The following BCR variants were observed in gnomAD, a reference collection of about 807,000 sequenced individuals.
BCR encodes the protein BCR activator of RhoGEF and GTPase, also known as breakpoint cluster region protein.
BCR carries 58 observed loss-of-function variants against 138.6 expected under a neutral mutation model. That is an observed-to-expected ratio of 0.42 (90% CI 0.34 to 0.52). The LOEUF is 0.52. Among genes scored for constraint, BCR ranks in the 20% least tolerant of loss-of-function variants. BCR has a pLI of 0.06. For missense variants in BCR, 1,599 were observed against 1,727.2 expected, an observed-to-expected ratio of 0.93 and a Z score of 1.32; for synonymous variants, 786 against 730.1, an observed-to-expected ratio of 1.08 and a Z score of -1.23.
At chr22:23,268,890 C>A (rs1237681051) in intron 5 of BCR, among the ~76,000 whole-genome samples, 1 of 152,222 alleles carries the variant, frequency 6.6e-6, no homozygotes, top group Non-Finnish European at 1.5e-5. Flanking sequence ...AGGTGGCCCA[C>A]TCTTCCTTTT....
chr22:23,296,305 C>T (rs1024660288), intron 16 of BCR, among the ~76,000 whole-genome samples: 2 of 139,770 alleles, frequency 1.4e-5, no homozygotes, highest in African/African-American at 2.7e-5. Flanking sequence ...ACCTGGGAGG[C>T]GGAGCTTGCA....
intron 4 of BCR, 30 bp from the exon 5 acceptor site, chr22:23,268,378 T>C: frequency 6.4e-7 from 1 of 1,551,488 alleles, no homozygotes; most frequent in East Asian, 2.3e-5. Flanking sequence ...GCAGCACCTG[T>C]CCCACTCTCT....
At chr22:23,271,381 C>G (rs1194397119) in intron 5 of BCR, 151 bp from the exon 6 acceptor site, 2 of 763,314 alleles carry the variant, frequency 2.6e-6, no homozygotes, top group East Asian at 5.5e-5. Context: ...CTCGTGGGTC[C>G]CTGCACACCC....
chr22:23,260,724 C>T, intron 2 of BCR: 3 of 523,392 alleles, frequency 5.7e-6, no homozygotes, highest in Non-Finnish European at 1.0e-5. Flanking sequence ...TAAGGGTGGC[C>T]CTGGTGTTGC....
Position 23,180,795 on chromosome 22 carries a change from C to A in BCR, c.-166C>A. On this transcript the variant is annotated 5_prime_UTR_variant, in exon 1 of 23. Transcript: ENST00000305877. ...CGCCCCGCGCGCCGAGCGCCCCGCT[C>A]CGCCTCACCTGCCACCAGGGAGTGG... 1 of 232,470 alleles carries A rather than the reference C, an allele frequency of 4.3e-6. No homozygotes were observed. The highest frequency in any genetic ancestry group is 1.5e-4 in the South Asian group (1 of 6,474). The allele number at this position is 232,470 out of a possible 1,614,324, so 14.4% of individuals were successfully genotyped here. A position where few individuals can be genotyped will look rare whatever the true frequency, so the allele number is the denominator to read the frequency against.
chr22:23,229,559 C>T (rs1049139655), intron 1 of BCR, among the ~76,000 whole-genome samples: 1 of 152,076 alleles, frequency 6.6e-6, no homozygotes, highest in Non-Finnish European at 1.5e-5. Flanking sequence ...ACTTTCTCAG[C>T]TCTGTGGTTC....
intron 22 of BCR, 105 bp from the exon 23 acceptor site, chr22:23,315,328 C>G (rs2074057516): frequency 9.5e-7 from 1 of 1,053,364 alleles, no homozygotes; most frequent in South Asian, 1.3e-5. Flanking sequence ...GCAGGGGTCC[C>G]CAGCACCTGA....
In BCR at chr22:23,305,885, T is replaced by G. The variant is rs1460438680; in HGVS notation, c.3013-3539T>G. Reference sequence around the variant, plus strand: ...ACAGCATCCGGAGTGCCTCGGTTTTTCCCTTAAGGGAAAACTGTTTCCCCC... The same window carrying G: ...ACAGCATCCGGAGTGCCTCGGTTTTGCCCTTAAGGGAAAACTGTTTCCCCC... On this transcript the variant is annotated intron_variant, in intron 16 of 22. Transcript: ENST00000305877. 2.0e-5 allele frequency among the ~76,000 whole-genome samples: 3 copies of G among 152,162 alleles called. No homozygotes were observed. The East Asian group carries it at 5.8e-4, about 29-fold the overall frequency.
chr22:23,189,473 C>T (rs1380573053), intron 1 of BCR, among the ~76,000 whole-genome samples: 6 of 152,044 alleles, frequency 3.9e-5, no homozygotes, highest in Admixed American at 3.3e-4. Context: ...TTCCCCAGGG[C>T]GACACTCTCA....
chr22:23,197,111 A>G (rs761515948), intron 1 of BCR, among the ~76,000 whole-genome samples: 5 of 152,260 alleles, frequency 3.3e-5, no homozygotes, highest in Non-Finnish European at 7.3e-5. Context: ...TGGTGGTCCC[A>G]TAAGATTATA....
chr22:23,181,483 C>T lies in BCR; in HGVS notation c.523C>T (p.Pro175Ser), dbSNP rs2146188704. 1.2e-6 allele frequency: 2 copies of T among 1,611,008 alleles called. No homozygotes were observed. The highest frequency in any genetic ancestry group is 2.2e-5 in the East Asian group (1 of 44,782). Reference protein sequence around the residue: ...HGQPGADAEKPFYVNVEFHHE... With the variant: ...HGQPGADAEKSFYVNVEFHHE... ...CCAGCCCGGGGCGGACGCCGAGAAG[C>T]CCTTCTACGTGAACGTCGAGTTTCA... is the stretch of plus-strand genomic sequence containing the variant. Residue 175 changes from proline to serine, a missense_variant, in exon 1 of 23, where the codon CCC (proline) becomes TCC (serine). Coordinates refer to ENST00000305877, the MANE Select transcript of BCR (RefSeq NM_004327.4).
At chr22:23,199,415 G>T (rs2072523148) in intron 1 of BCR, 1 of 450,866 alleles carries the variant, frequency 2.2e-6, no homozygotes, top group Admixed American at 2.4e-5. Flanking sequence ...AGAAACTCTG[G>T]CAAGGAAGTC....
intron 16 of BCR, among the ~76,000 whole-genome samples, chr22:23,304,411 T>C (rs1602126439): frequency 6.6e-6 from 1 of 152,160 alleles, no homozygotes; most frequent in Non-Finnish European, 1.5e-5. Flanking sequence ...GGTAGCATTG[T>C]TTGGTTCCTT....
At chr22:23,295,828 G>T (rs1190868879) in intron 16 of BCR, among the ~76,000 whole-genome samples, 1 of 152,144 alleles carries the variant, frequency 6.6e-6, no homozygotes, top group Non-Finnish European at 1.5e-5. Flanking sequence ...TGGCGCCCCA[G>T]GCCCTGTTTA....
chr22:23,180,908 G>C lies in BCR; in HGVS notation c.-53G>C. On this transcript the variant is annotated 5_prime_UTR_variant, in exon 1 of 23. Transcript: ENST00000305877. ...CGGGCTGGCGAGGCGCCGCGCCGCC[G>C]CTGAGACGGGCCCCGCGCGCAGCCC... The C allele has an allele frequency of 9.7e-7, 1 of 1,034,148 alleles. No homozygotes were observed. Among genetic ancestry groups the C allele is most frequent in the Non-Finnish European group, 1.2e-6 (1 of 860,572 alleles). 64.1% of individuals were successfully genotyped at this position (1,034,148 alleles called of 1,614,324 possible).
chr22:23,222,186 C>G (rs1447444765), intron 1 of BCR, among the ~76,000 whole-genome samples: 1 of 152,220 alleles, frequency 6.6e-6, no homozygotes, highest in East Asian at 1.9e-4. Context: ...CCTGCAGTCA[C>G]TATGTGCTTT....
At chr22:23,188,604 A>T (rs1300421074) in intron 1 of BCR, among the ~76,000 whole-genome samples, 1 of 152,134 alleles carries the variant, frequency 6.6e-6, no homozygotes, top group African/African-American at 2.4e-5. Context: ...ATGAATGGGC[A>T]TCTTGGAAGC....
intron 4 of BCR, chr22:23,263,643 T>C (rs1426110665): frequency 6.8e-7 from 1 of 1,477,580 alleles, no homozygotes; most frequent in Non-Finnish European, 9.5e-7. Flanking sequence ...CCTCGCATAT[T>C]GTCAGTGCAG....
chr22:23,289,272 ATG>A (rs1311446201), intron 12 of BCR, among the ~76,000 whole-genome samples: 1 of 152,026 alleles, frequency 6.6e-6, no homozygotes, highest in Non-Finnish European at 1.5e-5. Flanking sequence ...GTAGCGTGGG[ATG>A]TGTGTGTTTG....
Sources: allele counts gnomAD v4.1 joint callset (sites outside exome capture counted in the v4.1 genomes callset), GRCh38; gene constraint gnomAD v4.1.1; transcripts MANE v1.5; gene names NCBI Gene and HGNC (gene_info 2026-07-23, HGNC 2026-07-21).